FBN1: variants seen among roughly 807,000 people sequenced by gnomAD.
FBN1 encodes fibrillin-1.
FBN1 carries 29 observed loss-of-function variants against 365.1 expected under a neutral mutation model. The ratio of observed to expected loss-of-function variants is 0.08; its 90% CI spans 0.06 to 0.11. FBN1 has a LOEUF of 0.11. Ranked by LOEUF, FBN1 falls within the 10% of genes least tolerant of loss-of-function variation. The pLI is 1.00. For synonymous variants in FBN1, 1,210 were observed against 1,270.5 expected (o/e 0.95, Z 1.01); for missense variants, 2,476 against 3,703.2 (o/e 0.67, Z 8.60).
intron 35 of FBN1, 133 bp from the exon 36 acceptor site, chr15:48,470,889 C>T: frequency 9.8e-7 from 1 of 1,020,104 alleles, no homozygotes; most frequent in Non-Finnish European, 1.5e-6. Flanking sequence ...GGCACTTCTC[C>T]TATAGACTTT....
At chr15:48,565,059 T>C (rs1166263152) in intron 6 of FBN1, among the ~76,000 whole-genome samples, 1 of 152,178 alleles carries the variant, frequency 6.6e-6, no homozygotes, top group Admixed American at 6.5e-5. Flanking sequence ...TTTACGATGG[T>C]AATAATTCAT....
chr15:48,462,707 T>A (rs982835393), intron 42 of FBN1, among the ~76,000 whole-genome samples: 1 of 152,216 alleles, frequency 6.6e-6, no homozygotes, highest in Non-Finnish European at 1.5e-5. Flanking sequence ...TTGGAACAAG[T>A]TTAGCTTTAA....
chr15:48,592,966 A>G (rs556841036), intron 6 of FBN1, among the ~76,000 whole-genome samples: 3 of 152,342 alleles, frequency 2.0e-5, no homozygotes, highest in Non-Finnish European at 4.4e-5. Flanking sequence ...GGTAAAATAT[A>G]TCATTGCTAC....
chr15:48,430,876 A>T, intron 55 of FBN1, 74 bp from the exon 56 acceptor site: 1 of 1,478,860 alleles, frequency 6.8e-7, no homozygotes, highest in Non-Finnish European at 9.3e-7. Context: ...ACTTTTAAAC[A>T]TAAAATGTTA....
At chr15:48,600,893 G>A (rs1170651238) in intron 4 of FBN1, among the ~76,000 whole-genome samples, 7 of 152,166 alleles carry the variant, frequency 4.6e-5, no homozygotes, top group Admixed American at 3.9e-4. Flanking sequence ...CCCGTGAAAA[G>A]ATTTAGAATC....
At chr15:48,533,387 T>C (rs1296818128) in intron 8 of FBN1, among the ~76,000 whole-genome samples, 2 of 152,152 alleles carry the variant, frequency 1.3e-5, no homozygotes, top group Non-Finnish European at 2.9e-5. Flanking sequence ...TTCTAGATGC[T>C]CCCCTCTCAC....
intron 6 of FBN1, among the ~76,000 whole-genome samples, chr15:48,564,243 A>C (rs915350784): frequency 2.0e-5 from 3 of 152,162 alleles, no homozygotes; most frequent in Admixed American, 6.5e-5. Context: ...ACAGACACCA[A>C]CACCACCCTG....
chr15:48,472,426 G>T, intron 35 of FBN1, 125 bp downstream of exon 35: 1 of 1,322,978 alleles, frequency 7.6e-7, no homozygotes, highest in Non-Finnish European at 1.1e-6. Flanking sequence ...GAACTGACCA[G>T]CTTAGAAATG....
chr15:48,567,684 C>T (rs1271612042), intron 6 of FBN1, among the ~76,000 whole-genome samples: 2 of 151,972 alleles, frequency 1.3e-5, no homozygotes, highest in African/African-American at 4.8e-5. Flanking sequence ...TGTAATACAC[C>T]ATATTAATAG....
At chr15:48,444,518 G>T in intron 49 of FBN1, 23 bp downstream of exon 49, 1 of 1,612,640 alleles carries the variant, frequency 6.2e-7, no homozygotes, top group South Asian at 1.1e-5. Flanking sequence ...CTCCTCATTT[G>T]CTACAACTGA....
chr15:48,579,173 G>A (rs983754177), intron 6 of FBN1, among the ~76,000 whole-genome samples: 3 of 152,042 alleles, frequency 2.0e-5, no homozygotes, highest in African/African-American at 4.8e-5. Context: ...ATTTCACCAC[G>A]AGCACTGAAT....
chr15:48,511,345 T>C (rs986592892), intron 13 of FBN1, among the ~76,000 whole-genome samples: 1 of 152,144 alleles, frequency 6.6e-6, no homozygotes, highest in Non-Finnish European at 1.5e-5. Context: ...CTCTCTCGTT[T>C]ATTTCTTAAT....
chr15:48,538,204 A>C (rs1421522919), intron 6 of FBN1, among the ~76,000 whole-genome samples: 1 of 152,202 alleles, frequency 6.6e-6, no homozygotes, highest in East Asian at 1.9e-4. Context: ...CAGTGACTAA[A>C]AGAGGCCAAA....
chr15:48,637,935 A>G (rs1890123688), intron 2 of FBN1, among the ~76,000 whole-genome samples: 1 of 152,228 alleles, frequency 6.6e-6, no homozygotes, highest in Non-Finnish European at 1.5e-5. Flanking sequence ...GGGAGAAAGC[A>G]GCCATACATA....
chr15:48,495,384 A>T, intron 21 of FBN1, 85 bp downstream of exon 21: 3 of 1,591,278 alleles, frequency 1.9e-6, no homozygotes, highest in Non-Finnish European at 2.6e-6. Context: ...GTTCATCCAT[A>T]CTTAAATTCT....
Position 48,444,599 on chromosome 15 carries a change from A to G in FBN1, c.5979T>C (p.Asp1993=). 6.2e-7 allele frequency: 1 copy of G among 1,613,666 alleles called. No homozygotes were observed. The highest frequency in any genetic ancestry group is 2.2e-5 in the East Asian group (1 of 44,864). ...KCAPGTCQNL[D]GSYRCICPPG... is the part of the protein sequence containing the mutation. Reference sequence around the variant, plus strand: ...GTGGGCAAATGCATCTGTAGGACCCATCCAAGTTTTGACAGGTACCTGGTG... The same window carrying G: ...GTGGGCAAATGCATCTGTAGGACCCGTCCAAGTTTTGACAGGTACCTGGTG... Residue 1993 remains aspartate (D), a synonymous_variant, in exon 49 of 66, where the codon GAT becomes GAC. Coordinates refer to ENST00000316623, the MANE Select transcript of FBN1 (RefSeq NM_000138.5).
chr15:48,428,548 GTTCC>G, intron 56 of FBN1, 77 bp from the exon 57 acceptor site: 3 of 1,521,130 alleles, frequency 2.0e-6, no homozygotes, highest in Non-Finnish European at 2.7e-6. Context: ...TCCTTCCTTC[GTTCC>G]TTCCTTCCTC....
At chr15:48,432,605 TC>T (rs1479877858) in intron 55 of FBN1, among the ~76,000 whole-genome samples, 1 of 152,198 alleles carries the variant, frequency 6.6e-6, no homozygotes, top group Non-Finnish European at 1.5e-5. Flanking sequence ...TATTCCCATA[TC>T]TTGTAGAAAT....
intron 23 of FBN1, 77 bp downstream of exon 23, chr15:48,494,127 A>T: frequency 8.7e-7 from 1 of 1,143,002 alleles, no homozygotes; most frequent in South Asian, 1.2e-5. Context: ...GTTATATGAC[A>T]GCTTTATCCA....
Sources: gnomAD v4.1 joint callset for allele counts (sites outside exome capture counted in the v4.1 genomes callset) on GRCh38, gnomAD v4.1.1 for gene constraint, MANE v1.5 for transcripts, NCBI Gene and HGNC (gene_info 2026-07-23, HGNC 2026-07-21) for gene names.